XKR6: variants seen among roughly 807,000 people sequenced by gnomAD.
XKR6 encodes XK-related protein 6.
XKR6 carries 22 observed loss-of-function variants against 56.7 expected under a neutral mutation model. The ratio of observed to expected loss-of-function variants is 0.39; its 90% CI spans 0.28 to 0.55. The LOEUF (loss-of-function observed/expected upper bound fraction) is 0.55, where lower values mean the gene tolerates loss of function less well. Among genes scored for constraint, XKR6 ranks in the 20% least tolerant of loss-of-function variants. The pLI is 0.66. For synonymous variants in XKR6, 524 were observed against 387.8 expected (o/e 1.35, Z -4.13); for missense variants, 852 against 889.0 (o/e 0.96, Z 0.53).
At chr8:11,178,555 T>TATATATATAC (rs1554479885) in intron 1 of XKR6, among the ~76,000 whole-genome samples, 1 of 141,444 alleles carries the variant, frequency 7.1e-6, no homozygotes, top group African/African-American at 2.6e-5. Context: ...AAAATATATA[T>TATATATATAC]ATATATATAT....
At chr8:10,938,090 A>G (rs563792343) in intron 1 of XKR6, among the ~76,000 whole-genome samples, 6 of 152,132 alleles carry the variant, frequency 3.9e-5, no homozygotes, top group Non-Finnish European at 8.8e-5. Context: ...CAAGTGTGGG[A>G]TATAGTCTCG....
chr8:11,178,552 A>ATATATATATATATACG (rs1802784237), intron 1 of XKR6, among the ~76,000 whole-genome samples: 3 of 117,222 alleles, frequency 2.6e-5, no homozygotes, highest in African/African-American at 1.7e-4. Flanking sequence ...GTAAAAATAT[A>ATATATATATATATACG]TATATATATA....
chr8:11,140,908 A>AAAG (rs1358321846), intron 1 of XKR6, among the ~76,000 whole-genome samples: 1 of 151,792 alleles, frequency 6.6e-6, no homozygotes, highest in East Asian at 1.9e-4. Flanking sequence ...AAAAAAAAAA[A>AAAG]AAAAAAAACC....
At chr8:10,958,405 A>G (rs552622475) in intron 1 of XKR6, among the ~76,000 whole-genome samples, 16 of 152,336 alleles carry the variant, frequency 1.1e-4, no homozygotes, top group Admixed American at 5.2e-4. Context: ...GGTGAAATCA[A>G]TAGTGACAAT....
intron 1 of XKR6, among the ~76,000 whole-genome samples, chr8:11,157,003 T>C (rs541984881): frequency 3.9e-5 from 6 of 152,346 alleles, no homozygotes; most frequent in African/African-American, 9.6e-5. Flanking sequence ...CATGATGTCA[T>C]GTGACTATCA....
intron 2 of XKR6, among the ~76,000 whole-genome samples, chr8:10,917,369 G>C (rs1421243952): frequency 6.6e-6 from 1 of 152,246 alleles, no homozygotes; most frequent in Non-Finnish European, 1.5e-5. Context: ...CCACTCCCAG[G>C]AGATCCTGCC....
At chr8:11,026,616 G>A (rs1215470549) in intron 1 of XKR6, among the ~76,000 whole-genome samples, 3 of 149,354 alleles carry the variant, frequency 2.0e-5, no homozygotes, top group Admixed American at 6.7e-5. Context: ...TACACACTTA[G>A]ATGGTCTAGC....
At chr8:11,168,812 T>G (rs1263568581) in intron 1 of XKR6, among the ~76,000 whole-genome samples, 1 of 152,148 alleles carries the variant, frequency 6.6e-6, no homozygotes, top group Non-Finnish European at 1.5e-5. Flanking sequence ...TCCAGCCCAC[T>G]CAGATACAGG....
At chr8:10,937,654 C>A (rs1266114107) in intron 1 of XKR6, among the ~76,000 whole-genome samples, 1 of 149,052 alleles carries the variant, frequency 6.7e-6, no homozygotes. Flanking sequence ...GTTGGAATAC[C>A]CTGCCGTGTG....
intron 1 of XKR6, among the ~76,000 whole-genome samples, chr8:11,131,742 C>A (rs976795803): frequency 6.6e-6 from 1 of 152,126 alleles, no homozygotes; most frequent in African/African-American, 2.4e-5. Context: ...TTTTACTACA[C>A]CTTTTCTATG....
At position 10,984,656 on chromosome 8, in the gene XKR6, C is replaced by G. The variant is rs796104063; in HGVS notation, c.765-59826G>C. Among the ~76,000 whole-genome samples the G allele has an allele frequency of 1.3e-3, 186 of 140,444 alleles. 1 individual carries two copies. Among genetic ancestry groups the G allele is most frequent in the African/African-American group, 4.6e-3 (174 of 38,216 alleles). The allele number at this position is 140,444 out of a possible 152,430, so 92.1% of individuals were successfully genotyped here. A position where few individuals can be genotyped will look rare whatever the true frequency, so the allele number is the denominator to read the frequency against. On this transcript the variant is annotated intron_variant, in intron 1 of 2. Transcript: ENST00000416569. ...AATCCATCAGCTTTCCAAATGAAAA[C>G]AACATTTTTTAAAAGTAACACAAAA...
intron 1 of XKR6, among the ~76,000 whole-genome samples, chr8:11,131,362 T>G (rs1800093643): frequency 6.6e-6 from 1 of 152,170 alleles, no homozygotes; most frequent in Non-Finnish European, 1.5e-5. Context: ...ACTGGAAAGA[T>G]GTAAAATACA....
chr8:10,995,499 T>C (rs547912517), intron 1 of XKR6, among the ~76,000 whole-genome samples: 20 of 140,394 alleles, frequency 1.4e-4, no homozygotes, highest in African/African-American at 3.0e-4. Flanking sequence ...TATATATATA[T>C]ACACACACAC....
At chr8:10,922,336 A>G (rs958948669) in intron 2 of XKR6, among the ~76,000 whole-genome samples, 1 of 152,196 alleles carries the variant, frequency 6.6e-6, no homozygotes, top group African/African-American at 2.4e-5. Flanking sequence ...GCTGTGGGGC[A>G]GTAGCCCTGG....
chr8:10,926,184 G>C (rs2129117780), intron 1 of XKR6, among the ~76,000 whole-genome samples: 1 of 152,312 alleles, frequency 6.6e-6, no homozygotes, highest in East Asian at 1.9e-4. Context: ...ACTCAGGGCT[G>C]CCGGATGGTC....
At chr8:11,008,836 G>C (rs192820289) in intron 1 of XKR6, among the ~76,000 whole-genome samples, 1 of 151,940 alleles carries the variant, frequency 6.6e-6, no homozygotes. Flanking sequence ...AGGCCCCCCC[G>C]CCCAAGGAGC....
At chr8:10,921,373 C>A (rs1374947557) in intron 2 of XKR6, among the ~76,000 whole-genome samples, 1 of 152,224 alleles carries the variant, frequency 6.6e-6, no homozygotes, top group African/African-American at 2.4e-5. Context: ...GCAAACCCAT[C>A]CCCAGCAGGT....
intron 1 of XKR6, among the ~76,000 whole-genome samples, chr8:10,970,097 G>C (rs1802360569): frequency 6.6e-6 from 1 of 152,176 alleles, no homozygotes; most frequent in African/African-American, 2.4e-5. Context: ...CGCAGGAGTG[G>C]GCTGTTGGGC....
At chr8:11,052,001 C>T (rs560563457) in intron 1 of XKR6, among the ~76,000 whole-genome samples, 34 of 152,136 alleles carry the variant, frequency 2.2e-4, no homozygotes, top group Non-Finnish European at 3.4e-4. Context: ...CCTGTTGATT[C>T]GTCCTCTAAG....
Sources: allele counts gnomAD v4.1 joint callset (sites outside exome capture counted in the v4.1 genomes callset), GRCh38; gene constraint gnomAD v4.1.1; transcripts MANE v1.5; gene names NCBI Gene and HGNC (gene_info 2026-07-23, HGNC 2026-07-21).